Variants in AGBL1 observed in about 807,000 individuals in gnomAD.
The protein encoded by AGBL1 is cytosolic carboxypeptidase 4.
Under a neutral mutation model 118.9 loss-of-function variants are expected in AGBL1, and 130 were observed. The observed-to-expected ratio is 1.09, with a 90% confidence interval of 0.95 to 1.26. The LOEUF is 1.26. AGBL1 is among the 50% of genes most tolerant of loss of function. The probability of loss-of-function intolerance (pLI) is 0.00; values close to 1 mark genes in which losing one functional copy is unlikely to be tolerated. For missense variants in AGBL1, 1,584 were observed against 1,298.1 expected, an observed-to-expected ratio of 1.22 and a Z score of -3.38; for synonymous variants, 555 against 478.9, an observed-to-expected ratio of 1.16 and a Z score of -2.08.
chr15:86,962,764 T>C (rs2081006033), intron 23 of AGBL1, among the ~76,000 whole-genome samples: 1 of 152,092 alleles, frequency 6.6e-6, no homozygotes, highest in Admixed American at 6.6e-5. Context: ...AAGGTTAGCA[T>C]CACTGTGGAT....
intron 22 of AGBL1, among the ~76,000 whole-genome samples, chr15:86,737,945 A>T (rs2077624972): frequency 1.3e-5 from 2 of 151,974 alleles, no homozygotes; most frequent in Admixed American, 6.6e-5. Flanking sequence ...TTAATACAAC[A>T]TAATCAACTA....
intron 18 of AGBL1, among the ~76,000 whole-genome samples, chr15:86,408,384 A>G (rs2081563132): frequency 1.3e-5 from 2 of 152,126 alleles, no homozygotes; most frequent in South Asian, 4.1e-4. Context: ...CTGCTGTAAC[A>G]TCTCTCTGTG....
chr15:86,226,774 C>T (rs529803428), intron 6 of AGBL1, among the ~76,000 whole-genome samples: 12 of 152,150 alleles, frequency 7.9e-5, no homozygotes, highest in Admixed American at 1.3e-4. Context: ...TAGAGCTTAG[C>T]TCAGATATTG....
At chr15:86,860,093 A>G (rs2079540350) in intron 22 of AGBL1, among the ~76,000 whole-genome samples, 1 of 152,150 alleles carries the variant, frequency 6.6e-6, no homozygotes, top group South Asian at 2.1e-4. Flanking sequence ...GAATATCTCA[A>G]AGCCCTACGA....
Position 86,719,127 on chromosome 15 carries a change from C to T in AGBL1, c.3158+44691C>T, listed in dbSNP as rs187725968. On this transcript the variant is annotated intron_variant, in intron 22 of 22. Transcript: ENST00000614907. ...TTAGTAAGTGATAGAGCAAATATAA[C>T]AAGAAAAAATATGTAAGCATTTGAG... Among the ~76,000 whole-genome samples the T allele has an allele frequency of 9.9e-5, 15 of 152,190 alleles. No individual in the cohort carries two copies. The East Asian group carries it at 2.9e-3, about 29-fold the overall frequency.
chr15:86,820,722 C>T (rs1169114696), intron 22 of AGBL1, among the ~76,000 whole-genome samples: 3 of 152,180 alleles, frequency 2.0e-5, no homozygotes, highest in African/African-American at 7.2e-5. Flanking sequence ...AACACTTTTA[C>T]ACTGTGGTGG....
At chr15:86,187,225 T>C (rs1210322184) in intron 5 of AGBL1, among the ~76,000 whole-genome samples, 1 of 152,206 alleles carries the variant, frequency 6.6e-6, no homozygotes, top group Non-Finnish European at 1.5e-5. Context: ...TTGCTTTACA[T>C]TGTTACAGGC....
intron 22 of AGBL1, among the ~76,000 whole-genome samples, chr15:86,824,611 T>C (rs547675387): frequency 4.6e-5 from 7 of 152,030 alleles, no homozygotes; most frequent in African/African-American, 1.4e-4. Flanking sequence ...AAAAGATACA[T>C]ATCCTAGAGT....
intron 18 of AGBL1, among the ~76,000 whole-genome samples, chr15:86,477,670 A>G (rs571009066): frequency 1.3e-5 from 2 of 152,134 alleles, no homozygotes; most frequent in Non-Finnish European, 2.9e-5. Context: ...GGAGCTGGTA[A>G]CATTCCTTCT....
chr15:86,181,843 A>C (rs1217805320), intron 5 of AGBL1, among the ~76,000 whole-genome samples: 2 of 152,092 alleles, frequency 1.3e-5, no homozygotes, highest in Non-Finnish European at 2.9e-5. Context: ...ATAATTATTA[A>C]AATTAAATGA....
chr15:86,301,650 G>A (rs1269119891), intron 17 of AGBL1, among the ~76,000 whole-genome samples: 1 of 25,792 alleles, frequency 3.9e-5, no homozygotes. Flanking sequence ...GGGTGTGTGT[G>A]TGTGTGTGTG....
intron 17 of AGBL1, among the ~76,000 whole-genome samples, chr15:86,380,710 A>C (rs1339510497): frequency 6.6e-6 from 1 of 152,152 alleles, no homozygotes; most frequent in Admixed American, 6.5e-5. Context: ...TTACAAGGCC[A>C]TTTATGCACA....
At chr15:86,976,094 T>C (rs977958573) in intron 23 of AGBL1, among the ~76,000 whole-genome samples, 9 of 151,874 alleles carry the variant, frequency 5.9e-5, no homozygotes, top group African/African-American at 2.2e-4. Flanking sequence ...ATTATAAAAG[T>C]ATGAATAGGA....
intron 22 of AGBL1, among the ~76,000 whole-genome samples, chr15:86,866,749 G>T (rs1469433065): frequency 6.6e-6 from 1 of 152,104 alleles, no homozygotes; most frequent in African/African-American, 2.4e-5. Flanking sequence ...AGCTACTCAG[G>T]GCTGAGGCAG....
At chr15:86,134,881 G>C (rs2076868302) in intron 1 of AGBL1, among the ~76,000 whole-genome samples, 1 of 151,414 alleles carries the variant, frequency 6.6e-6, no homozygotes, top group Non-Finnish European at 1.5e-5. Context: ...CCAAAGTGCT[G>C]GGATTACAGG....
intron 21 of AGBL1, among the ~76,000 whole-genome samples, chr15:86,578,412 T>C (rs565495646): frequency 6.6e-6 from 1 of 152,208 alleles, no homozygotes; most frequent in Admixed American, 6.5e-5. Context: ...TACTGGCTCA[T>C]AGCCAGAAGG....
At chr15:86,340,538 G>T (rs190774563) in intron 17 of AGBL1, among the ~76,000 whole-genome samples, 1 of 152,270 alleles carries the variant, frequency 6.6e-6, no homozygotes, top group African/African-American at 2.4e-5. Flanking sequence ...TCATCTGGAG[G>T]CTCCAGAAGC....
intron 18 of AGBL1, among the ~76,000 whole-genome samples, chr15:86,422,919 A>C (rs926263190): frequency 7.9e-5 from 12 of 152,144 alleles, no homozygotes; most frequent in Non-Finnish European, 2.9e-5. Context: ...GACTAATAAG[A>C]AGTTCTGAAA....
At chr15:86,846,235 C>A (rs1257927330) in intron 22 of AGBL1, among the ~76,000 whole-genome samples, 1 of 152,168 alleles carries the variant, frequency 6.6e-6, no homozygotes, top group African/African-American at 2.4e-5. Context: ...GATTGTCTGG[C>A]AATGTCTTGT....
Sources: gnomAD v4.1 joint callset for allele counts (sites outside exome capture counted in the v4.1 genomes callset) on GRCh38, gnomAD v4.1.1 for gene constraint, MANE v1.5 for transcripts, NCBI Gene and HGNC (gene_info 2026-07-23, HGNC 2026-07-21) for gene names.